CYRIB: variants seen among roughly 807,000 people sequenced by gnomAD.
CYRIB encodes the protein CYFIP-related Rac1 interactor B.
Under a neutral mutation model 44.2 loss-of-function variants are expected in CYRIB, and 8 were observed. The ratio of observed to expected loss-of-function variants is 0.18; its 90% CI spans 0.11 to 0.33. The LOEUF (loss-of-function observed/expected upper bound fraction) is 0.33. Ranked by LOEUF, CYRIB falls within the 10% of genes least tolerant of loss-of-function variation. CYRIB has a pLI of 1.00. For missense variants in CYRIB, 185 were observed against 382.8 expected (o/e 0.48, Z 4.31); for synonymous variants, 131 against 127.2 (o/e 1.03, Z -0.20).
In CYRIB at chr8:129,907,613, G is replaced by GA. The variant is rs898483606; in HGVS notation, c.-49-4264dup. On this transcript the variant is annotated intron_variant, in intron 1 of 11. Transcript: ENST00000519824. ...ATAATTTAAAAAACTATATATATAT[G>GA]AAAAAAAAAATTTGCTGGCCTCCAG... 2.5e-4 allele frequency among the ~76,000 whole-genome samples: 37 copies of GA among 150,328 alleles called. No individual in the cohort carries two copies. The East Asian group carries it at 3.5e-3, about 14-fold the overall frequency.
intron 10 of CYRIB, 140 bp downstream of exon 12, chr8:129,849,103 G>A (rs2041950656): frequency 2.9e-6 from 2 of 684,968 alleles, no homozygotes; most frequent in South Asian, 2.1e-5. Flanking sequence ...AGGGACAGAG[G>A]AGATGAAAGT....
At chr8:129,893,484 T>G (rs2066377183) in intron 2 of CYRIB, among the ~76,000 whole-genome samples, 1 of 152,194 alleles carries the variant, frequency 6.6e-6, no homozygotes, top group South Asian at 2.1e-4. Context: ...TGATTCTTAA[T>G]TCTTTCTTGT....
chr8:129,974,718 AT>A (rs1292357531), intron 1 of CYRIB, among the ~76,000 whole-genome samples: 152 of 143,000 alleles, frequency 1.1e-3, no homozygotes, highest in Non-Finnish European at 1.1e-3. Flanking sequence ...AAAATCACAG[AT>A]TTTTTTTTTT....
chr8:129,980,810 C>T (rs572869771), intron 1 of CYRIB, among the ~76,000 whole-genome samples: 1 of 152,006 alleles, frequency 6.6e-6, no homozygotes, highest in Admixed American at 6.5e-5. Context: ...AGTGAAATCC[C>T]ATCTCCACCA....
rs768283158 is a variant in CYRIB, at chr8:129,863,524, T to TAA, written c.196-1192_196-1191dup. 3.0e-4 allele frequency among the ~76,000 whole-genome samples: 42 copies of TAA among 137,788 alleles called. No individual in the cohort carries two copies. In the South Asian group the frequency reaches 5.3e-3, roughly 17 times the overall value. The allele number at this position is 137,788 out of a possible 152,430, so 90.4% of individuals were successfully genotyped here. A position where few individuals can be genotyped will look rare whatever the true frequency, so the allele number is the denominator to read the frequency against. ...TGGGTGATAGAGCGAGACTCTGTCT[T>TAA]AAAAAAAAAAAAAAGAAAATACAAA... On this transcript the variant is annotated intron_variant, in intron 4 of 11. Coordinates refer to ENST00000519824, the Ensembl canonical transcript of CYRIB.
In CYRIB at chr8:129,916,907, C is replaced by A. The variant is rs576043402; in HGVS notation, c.-49-13557G>T. On this transcript the variant is annotated intron_variant, in intron 1 of 11. Transcript: ENST00000519824. Reference sequence around the variant, plus strand: ...TAGAGGCTTTGAAACCAGTCAAATACCAGTTTGAATCCTAGTTCTGACAAT... The same window carrying A: ...TAGAGGCTTTGAAACCAGTCAAATAACAGTTTGAATCCTAGTTCTGACAAT... 2.6e-5 allele frequency among the ~76,000 whole-genome samples: 4 copies of A among 152,280 alleles called. No individual in the cohort carries two copies. The South Asian group carries it at 6.2e-4, about 24-fold the overall frequency.
intron 1 of CYRIB, among the ~76,000 whole-genome samples, chr8:129,991,905 T>C (rs188359832): frequency 1.9e-3 from 241 of 124,734 alleles, no homozygotes; most frequent in African/African-American, 7.1e-3. Context: ...GAGCTGAGAT[T>C]GCGCCACTGC....
upstream of CYRIB, among the ~76,000 whole-genome samples, chr8:129,940,600 A>G (rs922237317): frequency 6.6e-6 from 1 of 152,056 alleles, no homozygotes; most frequent in Non-Finnish European, 1.5e-5. Flanking sequence ...AACATAAATG[A>G]TCCCTTTCCC....
At chr8:129,923,748 T>G (rs1384809878) in intron 1 of CYRIB, among the ~76,000 whole-genome samples, 1 of 151,920 alleles carries the variant, frequency 6.6e-6, no homozygotes, top group Non-Finnish European at 1.5e-5. Flanking sequence ...CTAAACTCCC[T>G]ACCTCCGTTT....
At chr8:129,863,517 T>A (rs2051214726) in intron 4 of CYRIB, among the ~76,000 whole-genome samples, 2 of 149,870 alleles carry the variant, frequency 1.3e-5, no homozygotes, top group African/African-American at 4.9e-5. Context: ...AGAGCGAGAC[T>A]CTGTCTTAAA....
At chr8:130,005,964 G>A (rs549058834) in intron 1 of CYRIB, among the ~76,000 whole-genome samples, 1 of 152,164 alleles carries the variant, frequency 6.6e-6, no homozygotes, top group East Asian at 1.9e-4. Flanking sequence ...CTCTAACCCA[G>A]TGACAGGGAC....
exon 6 of CYRIB, chr8:129,855,648 T>G: frequency 1.2e-6 from 2 of 1,614,120 alleles, no homozygotes; most frequent in Non-Finnish European, 1.7e-6. Context: ...ATGAAGAATT[T>G]CTGCAAACTG....
Position 129,894,180 on chromosome 8 carries a change from T to C in CYRIB, c.-11+9132A>G, listed in dbSNP as rs143877223. Among the ~76,000 whole-genome samples the C allele has an allele frequency of 3.9e-3, 595 of 152,308 alleles. 4 individuals carry two copies. The highest frequency in any genetic ancestry group is 0.014 in the African/African-American group (575 of 41,562). On this transcript the variant is annotated intron_variant, in intron 2 of 11. Coordinates refer to ENST00000519824, the Ensembl canonical transcript of CYRIB. ...CTTAAGCTCATGTACAAGAGTCCTA[T>C]AGGACAGCTGTCTGAAAATGAAAAG...
intron 1 of CYRIB, among the ~76,000 whole-genome samples, chr8:129,925,608 G>A (rs16904178): frequency 6.6e-6 from 1 of 151,942 alleles, no homozygotes; most frequent in South Asian, 2.1e-4. Context: ...GTGATCTATG[G>A]GAAACACAGA....
At chr8:129,880,085 T>G (rs891504078) in intron 2 of CYRIB, among the ~76,000 whole-genome samples, 2 of 152,216 alleles carry the variant, frequency 1.3e-5, no homozygotes, top group African/African-American at 4.8e-5. Flanking sequence ...CGAATATTGT[T>G]TGACATAGTC....
chr8:129,920,357 A>G (rs1049553223), intron 1 of CYRIB, among the ~76,000 whole-genome samples: 14 of 152,138 alleles, frequency 9.2e-5, no homozygotes, highest in African/African-American at 3.4e-4. Flanking sequence ...TAAATATATC[A>G]TATCAGATAG....
chr8:129,964,279 G>T (rs531002967), intron 2 of CYRIB, among the ~76,000 whole-genome samples: 5 of 152,306 alleles, frequency 3.3e-5, no homozygotes, highest in Admixed American at 6.5e-5. Context: ...AATTCTCCTT[G>T]CCTTTATTGT....
At chr8:129,965,562 C>G (rs201242415) in intron 2 of CYRIB, among the ~76,000 whole-genome samples, 1 of 151,908 alleles carries the variant, frequency 6.6e-6, no homozygotes, top group African/African-American at 2.4e-5. Context: ...TTTGGGAGGC[C>G]GAGGCGGGCG....
At chr8:129,915,403 T>C (rs1036040617) in intron 1 of CYRIB, among the ~76,000 whole-genome samples, 1 of 152,214 alleles carries the variant, frequency 6.6e-6, no homozygotes, top group African/African-American at 2.4e-5. Flanking sequence ...ATATATTGTA[T>C]GAGTCCTCAT....
Sources: gnomAD v4.1 joint callset for allele counts (sites outside exome capture counted in the v4.1 genomes callset) on GRCh38, gnomAD v4.1.1 for gene constraint, MANE v1.5 for transcripts, NCBI Gene and HGNC (gene_info 2026-07-23, HGNC 2026-07-21) for gene names.